Variants in PRKCH observed in about 807,000 individuals in gnomAD.
The protein encoded by PRKCH is protein kinase C eta, also known as protein kinase C eta type.
In PRKCH, 28 loss-of-function variants were observed where a neutral mutation model predicts 82.5. That is an observed-to-expected ratio of 0.34 (90% confidence interval 0.25 to 0.47). The LOEUF (loss-of-function observed/expected upper bound fraction) is 0.47, where lower values mean the gene tolerates loss of function less well. Among genes scored for constraint, PRKCH ranks in the 20% least tolerant of loss-of-function variants. The pLI, the probability that PRKCH is intolerant of heterozygous loss-of-function variation, is 1.00. For missense variants in PRKCH, 705 were observed against 881.8 expected, an observed-to-expected ratio of 0.80 and a Z score of 2.54; for synonymous variants, 322 against 327.4, an observed-to-expected ratio of 0.98 and a Z score of 0.18.
At chr14:61,352,777 C>A (rs1250316101) in intron 1 of PRKCH, among the ~76,000 whole-genome samples, 1 of 151,896 alleles carries the variant, frequency 6.6e-6, no homozygotes, top group East Asian at 1.9e-4. Flanking sequence ...AAAAAATATA[C>A]TAACAGAGAG....
At chr14:61,302,614 T>G (rs557212346) in intron 1 of PRKCH, among the ~76,000 whole-genome samples, 7 of 152,348 alleles carry the variant, frequency 4.6e-5, no homozygotes, top group African/African-American at 1.7e-4. Context: ...ATCTTTTAAA[T>G]TTACTGTGAT....
chr14:61,430,810 G>A (rs376021478), intron 2 of PRKCH, among the ~76,000 whole-genome samples: 211 of 151,066 alleles, frequency 1.4e-3, no homozygotes, highest in African/African-American at 4.3e-3. Context: ...GCTAGAATGC[G>A]GTGTCGTGAT....
rs200426156 is a variant in PRKCH, at chr14:61,276,501, G to A, written c.-19+88833G>A. Among the ~76,000 whole-genome samples, 20 of 151,884 alleles carry A rather than the reference G, an allele frequency of 1.3e-4. No individual in the cohort carries two copies. The East Asian group carries it at 3.3e-3, about 25-fold the overall frequency. ...CTCCTGAGTAGCTGTCACTACAGGCGCCCACCACCACACCTGGCTGATTTT... is the reference window on the plus strand; with the variant it reads ...CTCCTGAGTAGCTGTCACTACAGGCACCCACCACCACACCTGGCTGATTTT... On this transcript the variant is annotated intron_variant, in intron 1 of 3. Coordinates refer to the PRKCH transcript ENST00000555185.
At chr14:61,210,813 T>TGC (rs59643677) in intron 1 of PRKCH, among the ~76,000 whole-genome samples, 452 of 151,224 alleles carry the variant, frequency 3.0e-3, no homozygotes, top group African/African-American at 6.7e-3. Context: ...TGTGTGTGTG[T>TGC]GCGTGCACGC....
intron 1 of PRKCH, among the ~76,000 whole-genome samples, chr14:61,188,517 C>G (rs2140077256): frequency 6.6e-6 from 1 of 151,760 alleles, no homozygotes. Flanking sequence ...CTCCGGGCGC[C>G]TCCCGGCTCC....
intron 1 of PRKCH, among the ~76,000 whole-genome samples, chr14:61,329,086 T>C (rs2045744879): frequency 6.6e-6 from 1 of 152,086 alleles, no homozygotes; most frequent in Non-Finnish European, 1.5e-5. Context: ...AAATGAGACC[T>C]AAGTGGAAAC....
chr14:61,360,284 C>A (rs2046206424), intron 1 of PRKCH, among the ~76,000 whole-genome samples: 1 of 152,198 alleles, frequency 6.6e-6, no homozygotes, highest in African/African-American at 2.4e-5. Context: ...GCAGGTGGAT[C>A]ACTTGAGGTC....
intron 10 of PRKCH, among the ~76,000 whole-genome samples, chr14:61,488,184 A>G (rs941834299): frequency 4.0e-5 from 6 of 151,374 alleles, no homozygotes; most frequent in African/African-American, 1.5e-4. Context: ...TTCGGCAGGC[A>G]TGGTGGCATG....
At chr14:61,260,046 C>T (rs564269290) in intron 1 of PRKCH, among the ~76,000 whole-genome samples, 4 of 152,226 alleles carry the variant, frequency 2.6e-5, no homozygotes, top group South Asian at 2.1e-4. Flanking sequence ...TGGAAGTGAA[C>T]GAATTTGGCC....
intron 1 of PRKCH, among the ~76,000 whole-genome samples, chr14:61,188,411 TGGCTCCGGCTCTGGCTCC>T (rs1290401382): frequency 6.6e-6 from 1 of 150,678 alleles, no homozygotes; most frequent in Admixed American, 6.6e-5. Context: ...CAGGCAGTTC[TGGCTCCGGCTCTGGCTCC>T]GGCTCCGGCT....
intron 9 of PRKCH, among the ~76,000 whole-genome samples, chr14:61,468,116 A>G (rs1885340261): frequency 6.6e-6 from 1 of 152,230 alleles, no homozygotes; most frequent in Non-Finnish European, 1.5e-5. Context: ...TTTCCACAAT[A>G]GGTGGTTTTT....
At chr14:61,434,668 A>AT (rs918391383) in intron 2 of PRKCH, among the ~76,000 whole-genome samples, 2 of 152,194 alleles carry the variant, frequency 1.3e-5, no homozygotes, top group Non-Finnish European at 2.9e-5. Context: ...ACACAGTGAA[A>AT]TTTGAAGACT....
At chr14:61,453,416 A>G (rs1477065753) in intron 7 of PRKCH, 63 bp downstream of exon 7, 43 of 1,560,962 alleles carry the variant, frequency 2.8e-5, no homozygotes, top group Non-Finnish European at 3.4e-5. Context: ...GATGAGCCCA[A>G]ATGAGAGCAT....
intron 1 of PRKCH, among the ~76,000 whole-genome samples, chr14:61,289,025 C>A (rs2045338814): frequency 6.6e-6 from 1 of 152,174 alleles, no homozygotes; most frequent in Non-Finnish European, 1.5e-5. Context: ...CCATCTTCAG[C>A]AAGGCTCTTG....
intron 1 of PRKCH, among the ~76,000 whole-genome samples, chr14:61,246,091 A>T (rs1376630672): frequency 6.6e-6 from 1 of 152,082 alleles, no homozygotes; most frequent in Non-Finnish European, 1.5e-5. Flanking sequence ...TGCAGTGTCC[A>T]CTTGCAACAT....
At chr14:61,505,395 C>CTTTTTCTTTT (rs1887099057) in intron 10 of PRKCH, among the ~76,000 whole-genome samples, 5 of 55,738 alleles carry the variant, frequency 9.0e-5, no homozygotes, top group African/African-American at 2.6e-4. Flanking sequence ...CTTTTCTTTT[C>CTTTTTCTTTT]TTTTTTTTTT....
At chr14:61,538,598 A>G (rs1292959987) in intron 12 of PRKCH, among the ~76,000 whole-genome samples, 1 of 152,202 alleles carries the variant, frequency 6.6e-6, no homozygotes, top group African/African-American at 2.4e-5. Flanking sequence ...ATTTATCTCC[A>G]TCCCTGCCAG....
chr14:61,396,071 C>T (rs2046776203), intron 2 of PRKCH, among the ~76,000 whole-genome samples: 1 of 116,062 alleles, frequency 8.6e-6, no homozygotes. Flanking sequence ...CAGAGTGAAA[C>T]CTTGTTTCAG....
intron 1 of PRKCH, among the ~76,000 whole-genome samples, chr14:61,261,960 G>A (rs1266664882): frequency 6.6e-6 from 1 of 151,880 alleles, no homozygotes; most frequent in Non-Finnish European, 1.5e-5. Context: ...GGTAGCTCAC[G>A]CTTGTAATCC....
Sources: allele counts gnomAD v4.1 joint callset (sites outside exome capture counted in the v4.1 genomes callset), GRCh38; gene constraint gnomAD v4.1.1; transcripts MANE v1.5; gene names NCBI Gene and HGNC (gene_info 2026-07-23, HGNC 2026-07-21).